Variants in ITLN2 observed in about 807,000 individuals in gnomAD.
ITLN2 encodes intelectin-2.
ITLN2 carries 29 observed loss-of-function variants against 39.4 expected under a neutral mutation model. That is an observed-to-expected ratio of 0.74 (90% CI 0.55 to 1.00). The LOEUF is 1.00. ITLN2 is among the 50% of genes least tolerant of loss of function. The pLI, the probability that ITLN2 is intolerant of heterozygous loss-of-function variation, is 0.00. For missense variants in ITLN2, 412 were observed against 416.7 expected, an observed-to-expected ratio of 0.99 and a Z score of 0.10; for synonymous variants, 156 against 153.4, an observed-to-expected ratio of 1.02 and a Z score of -0.12.
rs41266943 is a variant in ITLN2, at chr1:160,950,039, C to T, written c.721+7G>A. On this transcript the variant is annotated splice_region_variant and intron_variant, in intron 6 of 7. Coordinates refer to ENST00000368029, the MANE Select transcript of ITLN2 (RefSeq NM_080878.3). ...TTTATGACTGGACTTAGGGAGCAAA[C>T]ACTCACGTTGACCATACGGTGAGTA... 5.6e-4 allele frequency: 902 copies of T among 1,611,984 alleles called. No individual in the cohort carries two copies. The highest frequency in any genetic ancestry group is 7.1e-4 in the Non-Finnish European group (842 of 1,178,554).
chr1:160,950,834 C>T, intron 4 of ITLN2, 123 bp from the exon 5 acceptor site: 1 of 1,478,472 alleles, frequency 6.8e-7, no homozygotes, highest in South Asian at 1.3e-5. Flanking sequence ...CAGCCACGCT[C>T]AGACACCCCA....
Position 160,954,419 on chromosome 1 carries a change from A to C in ITLN2, c.47T>G (p.Phe16Cys). The C allele has an allele frequency of 6.3e-7, 1 of 1,580,868 alleles. No individual in the cohort carries two copies. Among genetic ancestry groups the C allele is most frequent in the African/African-American group, 1.3e-5 (1 of 74,686 alleles). ...RTMTRLCFLL[F>C]FSVATSGCSA... ...GCACCCACTGGTGGCCACAGAGAAG[A>C]ATAACAGGAAGCAGAGTCTGGTCAT... The change falls in exon 2 of 8, where the codon TTC becomes TGC. Residue 16 changes from phenylalanine to cysteine, a missense_variant. By Grantham distance (205) the Phe-to-Cys change is radical. Transcript: ENST00000368029.
In ITLN2 at chr1:160,950,102, A is replaced by T; in HGVS notation, c.665T>A (p.Val222Asp). 6.2e-7 allele frequency: 1 copy of T among 1,613,706 alleles called. No homozygotes were observed. The highest frequency in any genetic ancestry group is 8.5e-7 in the Non-Finnish European group (1 of 1,179,618). ...WNDNGPAIPV[V>D]YDFGDAKKTA... Reference sequence around the variant, plus strand: ...CTTCTTAGCATCACCAAAGTCATAGACCACAGGTATGGCTGGGCCATTGTC... The same window carrying T: ...CTTCTTAGCATCACCAAAGTCATAGTCCACAGGTATGGCTGGGCCATTGTC... The change falls in exon 6 of 8, where the codon GTC (valine) becomes GAC (aspartate). Residue 222 changes from valine to aspartate, a missense_variant. Transcript: ENST00000368029.
rs150123938 is a variant in ITLN2 at position 160,951,286 on chromosome 1, G to T, written c.198C>A (p.Gly66=). 1.9e-6 allele frequency: 3 copies of T among 1,577,436 alleles called. No individual in the cohort carries two copies. Among genetic ancestry groups the T allele is most frequent in the East Asian group, 4.5e-5 (2 of 44,606 alleles). The change falls in exon 4 of 8, where the codon GGC becomes GGA. Residue 66 remains glycine (G), a synonymous_variant. Coordinates refer to ENST00000368029, the MANE Select transcript of ITLN2 (RefSeq NM_080878.3). ...CATTCTTGGTGCGGAGAAAATACAG[G>T]CCATCTGTAGAGAGAACCAGCCCAG... ...IKERCHSAGD[G]LYFLRTKNGV...
intron 7 of ITLN2, 65 bp from the exon 8 acceptor site, chr1:160,945,357 G>A: frequency 7.0e-7 from 1 of 1,425,988 alleles, no homozygotes; most frequent in Non-Finnish European, 9.3e-7. Flanking sequence ...GTGAGCGCAA[G>A]GCTGGTCTCG....
At chr1:160,946,574 G>A (rs1055829866) in intron 7 of ITLN2, among the ~76,000 whole-genome samples, 7 of 151,718 alleles carry the variant, frequency 4.6e-5, no homozygotes, top group East Asian at 2.0e-4. Context: ...TTAGTGGGGC[G>A]TGGTGGTGGG....
chr1:160,946,235 C>T (rs565262896), intron 7 of ITLN2, among the ~76,000 whole-genome samples: 1 of 151,986 alleles, frequency 6.6e-6, no homozygotes, highest in Non-Finnish European at 1.5e-5. Flanking sequence ...CACTTGAACC[C>T]GGGAGGCAGA....
intron 7 of ITLN2, among the ~76,000 whole-genome samples, 193 bp downstream of exon 7, chr1:160,947,736 C>T (rs1671638539): frequency 1.3e-5 from 2 of 152,254 alleles, no homozygotes; most frequent in South Asian, 2.1e-4. Flanking sequence ...TGATTCATTA[C>T]AGCACATGTT....
At position 160,945,188 on chromosome 1, in the gene ITLN2, G is replaced by A; in HGVS notation, c.930C>T (p.Ser310=). The A allele has an allele frequency of 6.2e-7, 1 of 1,607,758 alleles. No individual in the cohort carries two copies. The highest frequency in any genetic ancestry group is 8.5e-7 in the Non-Finnish European group (1 of 1,178,320). Residue 310 remains serine (S), a synonymous_variant, in exon 8 of 8, where the codon AGC becomes AGT. Coordinates refer to ENST00000368029, the MANE Select transcript of ITLN2 (RefSeq NM_080878.3). ...WDGYGTHVKS[S]CSREITEAAV... ...CCGCCTCCGTTATCTCCCGACTGCA[G>A]CTGCTCTTAACGTGAGTTCCATATC...
chr1:160,948,730 G>A (rs77244566), intron 6 of ITLN2: 26,429 of 151,596 alleles, frequency 0.17, 2,652 homozygotes, highest in East Asian at 0.26. Context: ...AGGTTCAAGC[G>A]ATTCTCCTGC....
At chr1:160,951,959 TG>T (rs1379125801) in intron 3 of ITLN2, among the ~76,000 whole-genome samples, 2 of 152,178 alleles carry the variant, frequency 1.3e-5, no homozygotes, top group Admixed American at 1.3e-4. Flanking sequence ...TGAGGCTTTT[TG>T]CCTCACTCAC....
In ITLN2 at chr1:160,950,114, G is replaced by C; in HGVS notation, c.653C>G (p.Ala218Gly). Residue 218 changes from alanine to glycine, a missense_variant, in exon 6 of 8, where the codon GCC (alanine) becomes GGC (glycine). Physicochemically the swap from Ala to Gly is moderately conservative, Grantham distance 60. Transcript: ENST00000368029. ...ACCAAAGTCATAGACCACAGGTATG[G>C]CTGGGCCATTGTCATTCCAACATTT... ...SGKCWNDNGP[A>G]IPVVYDFGDA... 6.2e-7 allele frequency: 1 copy of C among 1,613,222 alleles called. No individual in the cohort carries two copies. Among genetic ancestry groups the C allele is most frequent in the Non-Finnish European group, 8.5e-7 (1 of 1,179,164 alleles).
chr1:160,953,431 G>T (rs1318790822), intron 2 of ITLN2, among the ~76,000 whole-genome samples: 1 of 152,158 alleles, frequency 6.6e-6, no homozygotes, highest in African/African-American at 2.4e-5. Context: ...CAGGACTCAG[G>T]CCAGGCACAG....
At chr1:160,952,305 C>T (rs1261809508) in intron 3 of ITLN2, among the ~76,000 whole-genome samples, 1 of 152,206 alleles carries the variant, frequency 6.6e-6, no homozygotes, top group Non-Finnish European at 1.5e-5. Flanking sequence ...AGCTCTTTGT[C>T]TCTGGCTCGG....
Position 160,950,942 on chromosome 1 carries a change from C to A in ITLN2, c.441+101G>T, listed in dbSNP as rs56187725. 3.1e-3 allele frequency: 4,957 copies of A among 1,598,174 alleles called. 139 individuals carry two copies. In the African/African-American group the frequency reaches 0.059, roughly 19 times the overall value. On this transcript the variant is annotated intron_variant, in intron 4 of 7. Coordinates refer to ENST00000368029, the MANE Select transcript of ITLN2 (RefSeq NM_080878.3). ...TGTATTTCTCTCTTCTTCTCCAGCC[C>A]TTCCCCATATCCCCACCTTCCAGCC...
At position 160,945,596 on chromosome 1, in the gene ITLN2, G is replaced by A. The variant is rs993094107; in HGVS notation, c.826-304C>T. ...TCTAGTCCACCCCCACTGCCCACGT[G>A]GTCGTCATCCTCCGAATTCTAATCT... On this transcript the variant is annotated intron_variant, in intron 7 of 7. Coordinates refer to ENST00000368029, the MANE Select transcript of ITLN2 (RefSeq NM_080878.3). 2.6e-5 allele frequency among the ~76,000 whole-genome samples: 4 copies of A among 152,212 alleles called. No individual in the cohort carries two copies. In the East Asian group the frequency reaches 5.8e-4, roughly 22 times the overall value.
In ITLN2 at chr1:160,952,677, AG is replaced by A. The variant is rs1219026890; in HGVS notation, c.135del (p.Ser47LeufsTer38). ...TTGCAGCTTCTAGGCAGGGAAGAAA[AG>A]GAGAAGGCACAGGTTTCGAATTCCC... is the stretch of plus-strand genomic sequence containing the variant. ...LSREFETCAFSFSSLPRSCKE... is the reference protein window; with the variant it reads ...LSREFETCAFXFSSLPRSCKE... On this transcript the variant is annotated frameshift_variant, in exon 3 of 8. Transcript: ENST00000368029. LOFTEE classifies it high-confidence loss of function. 6.2e-7 allele frequency: 1 copy of A among 1,614,180 alleles called. No individual in the cohort carries two copies. Among genetic ancestry groups the A allele is most frequent in the Non-Finnish European group, 8.5e-7 (1 of 1,180,012 alleles).
chr1:160,952,749 A>C lies in ITLN2; in HGVS notation c.80-16T>G. The C allele has an allele frequency of 1.3e-6, 2 of 1,569,676 alleles. No individual in the cohort carries two copies. Among genetic ancestry groups the C allele is most frequent in the Non-Finnish European group, 1.8e-6 (2 of 1,140,716 alleles). Reference sequence around the variant, plus strand: ...GAGGCTGCTGCTAGAAAATGTGAGAATGAGTCTCATTAGAAGTCTGACCAC... The same window carrying C: ...GAGGCTGCTGCTAGAAAATGTGAGACTGAGTCTCATTAGAAGTCTGACCAC... On this transcript the variant is annotated splice_polypyrimidine_tract_variant and intron_variant, in intron 2 of 7. Transcript: ENST00000368029.
At chr1:160,951,426 C>T (rs754027848) in intron 3 of ITLN2, 136 bp from the exon 4 acceptor site, 33 of 1,197,786 alleles carry the variant, frequency 2.8e-5, no homozygotes, top group Non-Finnish European at 3.6e-5. Flanking sequence ...GACGATGCTC[C>T]ATGCATCTTG....
Sources: gnomAD v4.1 joint callset for allele counts (sites outside exome capture counted in the v4.1 genomes callset) on GRCh38, gnomAD v4.1.1 for gene constraint, MANE v1.5 for transcripts, NCBI Gene and HGNC (gene_info 2026-07-23, HGNC 2026-07-21) for gene names.